EFCAB13: variants seen among roughly 807,000 people sequenced by gnomAD.
EFCAB13 encodes the protein EF-hand calcium-binding domain-containing protein 13.
In EFCAB13, 91 loss-of-function variants were observed where a neutral mutation model predicts 110.2. The observed-to-expected ratio is 0.83, with a 90% CI of 0.70 to 0.98. EFCAB13 has a LOEUF of 0.98. EFCAB13 is among the 50% of genes least tolerant of loss of function. EFCAB13 has a pLI of 0.00. For synonymous variants in EFCAB13, 323 were observed against 369.9 expected, an observed-to-expected ratio of 0.87 and a Z score of 1.45; for missense variants, 968 against 1,119.4, an observed-to-expected ratio of 0.86 and a Z score of 1.93.
chr17:47,342,519 G>C (rs2065391667), intron 6 of EFCAB13, among the ~76,000 whole-genome samples: 1 of 152,068 alleles, frequency 6.6e-6, no homozygotes, highest in South Asian at 2.1e-4. Flanking sequence ...TCCAAATAAG[G>C]TGACATTCAC....
At chr17:47,409,800 A>G in intron 21 of EFCAB13, 109 bp downstream of exon 21, 1 of 851,786 alleles carries the variant, frequency 1.2e-6, no homozygotes, top group Non-Finnish European at 1.9e-6. Context: ...CTTCAGCCAG[A>G]TTACTATTTT....
At chr17:47,333,308 G>A (rs532954216) in intron 4 of EFCAB13, among the ~76,000 whole-genome samples, 1 of 152,250 alleles carries the variant, frequency 6.6e-6, no homozygotes. Context: ...CTTGAGTTGA[G>A]TTCCTTATGT....
intron 17 of EFCAB13, 50 bp from the exon 18 acceptor site, chr17:47,402,082 C>T: frequency 6.7e-7 from 1 of 1,492,742 alleles, no homozygotes; most frequent in Non-Finnish European, 9.3e-7. Context: ...TTTATTGGAT[C>T]TGACTTTTGC....
chr17:47,393,753 T>TAAATAAATAAAA (rs1434698279), intron 15 of EFCAB13, among the ~76,000 whole-genome samples: 83 of 132,268 alleles, frequency 6.3e-4, no homozygotes, highest in African/African-American at 2.4e-3. Flanking sequence ...AATAAATAAA[T>TAAATAAATAAAA]AAAAATAAAA....
chr17:47,414,668 A>T (rs1387197553), intron 22 of EFCAB13, among the ~76,000 whole-genome samples, 180 bp from the exon 23 acceptor site: 1 of 152,222 alleles, frequency 6.6e-6, no homozygotes, highest in Non-Finnish European at 1.5e-5. Context: ...TAATATTATT[A>T]ACTATTCACT....
chr17:47,359,520 T>G (rs917421545), intron 9 of EFCAB13, among the ~76,000 whole-genome samples: 17 of 150,722 alleles, frequency 1.1e-4, no homozygotes, highest in South Asian at 8.5e-4. Context: ...GAATTGTGTT[T>G]TTTTTTTTTT....
At chr17:47,390,227 A>G (rs1341149198) in intron 14 of EFCAB13, among the ~76,000 whole-genome samples, 1 of 150,462 alleles carries the variant, frequency 6.6e-6, no homozygotes. Flanking sequence ...TTTGTATATT[A>G]TAAAACTTAT....
chr17:47,401,795 C>T (rs946896689), intron 17 of EFCAB13, among the ~76,000 whole-genome samples: 1 of 151,966 alleles, frequency 6.6e-6, no homozygotes, highest in African/African-American at 2.4e-5. Context: ...CAGGCGCATG[C>T]CACCACACCC....
At chr17:47,347,702 C>A in intron 8 of EFCAB13, 106 bp from the exon 9 acceptor site, 1 of 862,174 alleles carries the variant, frequency 1.2e-6, no homozygotes, top group Non-Finnish European at 1.6e-6. Context: ...GCTGAAAACA[C>A]AGATTGGCTC....
chr17:47,341,837 AT>A, intron 5 of EFCAB13, 83 bp from the exon 6 acceptor site: 1 of 766,042 alleles, frequency 1.3e-6, no homozygotes, highest in Non-Finnish European at 2.1e-6. Context: ...ACTTTTGTAT[AT>A]GTTAGAAAAT....
chr17:47,410,297 C>T (rs1474517744), intron 21 of EFCAB13, among the ~76,000 whole-genome samples: 1 of 152,178 alleles, frequency 6.6e-6, no homozygotes, highest in Non-Finnish European at 1.5e-5. Context: ...ATAATAAGCC[C>T]ACTCTTGCAA....
chr17:47,404,735 T>C, intron 20 of EFCAB13, 102 bp downstream of exon 20: 1 of 748,398 alleles, frequency 1.3e-6, no homozygotes. Context: ...TTCTTTATAG[T>C]ATCTGTGCCA....
chr17:47,343,696 A>G (rs2065398512), intron 6 of EFCAB13, among the ~76,000 whole-genome samples: 1 of 152,128 alleles, frequency 6.6e-6, no homozygotes. Flanking sequence ...TTTTGGAATC[A>G]TGTTTATACA....
chr17:47,380,917 C>T (rs1036545947), intron 14 of EFCAB13, among the ~76,000 whole-genome samples: 1 of 141,884 alleles, frequency 7.0e-6, no homozygotes, highest in African/African-American at 2.6e-5. Flanking sequence ...AAGTCTCACT[C>T]TGTCACCTAG....
chr17:47,382,477 G>A (rs1484969047), intron 14 of EFCAB13, among the ~76,000 whole-genome samples: 1 of 152,174 alleles, frequency 6.6e-6, no homozygotes, highest in Non-Finnish European at 1.5e-5. Context: ...CATTCAGTAT[G>A]ATATTGGCTA....
At chr17:47,327,490 C>A (rs1377376435) in intron 3 of EFCAB13, among the ~76,000 whole-genome samples, 1 of 151,128 alleles carries the variant, frequency 6.6e-6, no homozygotes, top group Middle Eastern at 3.2e-3. Flanking sequence ...GACAGTCTCA[C>A]TGTATATCCC....
intron 9 of EFCAB13, among the ~76,000 whole-genome samples, chr17:47,352,352 C>CT (rs1168589398): frequency 2.0e-5 from 3 of 152,006 alleles, no homozygotes; most frequent in Non-Finnish European, 4.4e-5. Context: ...AAAGAGTGTC[C>CT]TTTCACCAGT....
At chr17:47,416,038 A>T (rs1281461970) in intron 23 of EFCAB13, among the ~76,000 whole-genome samples, 1 of 152,110 alleles carries the variant, frequency 6.6e-6, no homozygotes, top group Non-Finnish European at 1.5e-5. Context: ...GGTGAAACAA[A>T]TGTCTTTGTA....
At chr17:47,326,805 G>A (rs1323685755) in intron 3 of EFCAB13, among the ~76,000 whole-genome samples, 1 of 152,124 alleles carries the variant, frequency 6.6e-6, no homozygotes, top group Non-Finnish European at 1.5e-5. Context: ...TTTCAATGTG[G>A]TTCTATTTTA....
Sources: allele counts gnomAD v4.1 joint callset (sites outside exome capture counted in the v4.1 genomes callset), GRCh38; gene constraint gnomAD v4.1.1; transcripts MANE v1.5; gene names NCBI Gene and HGNC (gene_info 2026-07-23, HGNC 2026-07-21).